The following UBE3D variants were observed in gnomAD, a reference collection of about 807,000 sequenced individuals.
UBE3D encodes E3 ubiquitin-protein ligase E3D.
A neutral mutation model predicts 49.6 loss-of-function variants in UBE3D; 48 were observed. The observed-to-expected ratio is 0.97, with a 90% confidence interval of 0.77 to 1.23. UBE3D has a LOEUF of 1.23. Ranked by LOEUF, UBE3D falls within the 50% of genes most tolerant of loss-of-function variation. UBE3D has a pLI of 0.00. For missense variants in UBE3D, 452 were observed against 468.4 expected (o/e 0.96, Z 0.32); for synonymous variants, 189 against 174.2 (o/e 1.08, Z -0.67).
At chr6:83,039,388 A>G (rs1426321661) in intron 4 of UBE3D, among the ~76,000 whole-genome samples, 1 of 152,252 alleles carries the variant, frequency 6.6e-6, no homozygotes, top group Non-Finnish European at 1.5e-5. Context: ...TAACTGATTA[A>G]TATACATTTA....
rs576855248 is a variant in UBE3D, at chr6:82,915,983, C to T, written c.1150-22941G>A. On this transcript the variant is annotated intron_variant, in intron 9 of 9. Transcript: ENST00000369747. ...GGGCTGGGAGATAAGAGCCTGGTCTCTAATAGTCATTGAAGTAGATGTTTA... is the reference window on the plus strand; with the variant it reads ...GGGCTGGGAGATAAGAGCCTGGTCTTTAATAGTCATTGAAGTAGATGTTTA... Among the ~76,000 whole-genome samples, 4 of 152,050 alleles carry T rather than the reference C, an allele frequency of 2.6e-5. No individual in the cohort carries two copies. The South Asian group carries it at 8.3e-4, about 32-fold the overall frequency.
intron 8 of UBE3D, among the ~76,000 whole-genome samples, chr6:82,990,094 A>G (rs900465624): frequency 6.6e-6 from 1 of 152,180 alleles, no homozygotes; most frequent in African/African-American, 2.4e-5. Context: ...ATTAGTTACT[A>G]ACAAACATCT....
At chr6:82,997,842 T>A (rs1779351497) in intron 8 of UBE3D, among the ~76,000 whole-genome samples, 1 of 152,172 alleles carries the variant, frequency 6.6e-6, no homozygotes, top group Admixed American at 6.6e-5. Flanking sequence ...CTGGTTACAG[T>A]GGTTATACAG....
intron 2 of UBE3D, among the ~76,000 whole-genome samples, chr6:83,054,770 C>A (rs1783705838): frequency 6.6e-6 from 1 of 152,150 alleles, no homozygotes; most frequent in South Asian, 2.1e-4. Flanking sequence ...TCTGCCTCAG[C>A]CTCCCGCGTA....
intron 3 of UBE3D, among the ~76,000 whole-genome samples, chr6:83,050,395 C>T (rs2127834110): frequency 6.6e-6 from 1 of 152,262 alleles, no homozygotes; most frequent in South Asian, 2.1e-4. Flanking sequence ...ATCCAACGTC[C>T]TCATTTTGCA....
At chr6:82,989,197 G>T (rs1778718098) in intron 8 of UBE3D, among the ~76,000 whole-genome samples, 1 of 151,992 alleles carries the variant, frequency 6.6e-6, no homozygotes, top group Admixed American at 6.6e-5. Context: ...GCAGTACAAG[G>T]CCCCTGGGTG....
At chr6:83,059,873 C>G (rs2127854377) in intron 1 of UBE3D, among the ~76,000 whole-genome samples, 1 of 152,256 alleles carries the variant, frequency 6.6e-6, no homozygotes, top group Non-Finnish European at 1.5e-5. Context: ...GCAGGGGTGT[C>G]AAATCCCAAG....
the UBE3D span, among the ~76,000 whole-genome samples, chr6:82,883,087 C>T: frequency 1.3e-5 from 2 of 152,156 alleles, no homozygotes; most frequent in African/African-American, 4.8e-5. Flanking sequence ...ACCATATAAT[C>T]TAACAAGAAG....
chr6:83,026,547 AT>A (rs1043468872), intron 5 of UBE3D, among the ~76,000 whole-genome samples: 7 of 152,186 alleles, frequency 4.6e-5, no homozygotes, highest in African/African-American at 1.2e-4. Context: ...GGTAAAAAAA[AT>A]AAATGGTTTC....
chr6:83,042,569 AC>A (rs1187188999), intron 4 of UBE3D, among the ~76,000 whole-genome samples: 1 of 152,228 alleles, frequency 6.6e-6, no homozygotes, highest in Non-Finnish European at 1.5e-5. Flanking sequence ...TGGGAACTCT[AC>A]AGAGCAAACC....
At chr6:82,923,092 T>C (rs293501) in intron 9 of UBE3D, among the ~76,000 whole-genome samples, 102,280 of 152,080 alleles carry the variant, frequency 0.67, 34,901 homozygotes, top group East Asian at 0.8. Context: ...GAAATAGGAA[T>C]GCTTTTACAC....
At chr6:82,967,625 T>G (rs1367549281) in intron 8 of UBE3D, among the ~76,000 whole-genome samples, 24 of 152,102 alleles carry the variant, frequency 1.6e-4, no homozygotes. Flanking sequence ...CAAGTAATTG[T>G]ATCAACAGTT....
intron 2 of UBE3D, among the ~76,000 whole-genome samples, chr6:83,054,510 C>G (rs1386711928): frequency 6.6e-6 from 1 of 152,138 alleles, no homozygotes; most frequent in Non-Finnish European, 1.5e-5. Flanking sequence ...TCTAAAAATA[C>G]CAACATTAAG....
intron 9 of UBE3D, among the ~76,000 whole-genome samples, chr6:82,931,394 A>T (rs1278854506): frequency 6.6e-6 from 1 of 152,156 alleles, no homozygotes; most frequent in Non-Finnish European, 1.5e-5. Context: ...TGTCAACCAG[A>T]CCCAGAATGG....
intron 7 of UBE3D, among the ~76,000 whole-genome samples, chr6:83,021,286 T>C (rs200903073): frequency 6.6e-6 from 1 of 152,106 alleles, no homozygotes; most frequent in East Asian, 2.0e-4. Flanking sequence ...ACAAAAAATT[T>C]AAAAATTGTC....
At chr6:82,934,356 GC>G (rs1774396517) in intron 9 of UBE3D, among the ~76,000 whole-genome samples, 1 of 152,208 alleles carries the variant, frequency 6.6e-6, no homozygotes, top group African/African-American at 2.4e-5. Flanking sequence ...ATTAAACACA[GC>G]TTGTAAATCT....
intron 5 of UBE3D, chr6:83,037,886 T>A (rs1782376559): frequency 6.6e-6 from 1 of 152,098 alleles, no homozygotes; most frequent in Non-Finnish European, 1.5e-5. Context: ...GAATTTTTTT[T>A]CTTCCATTTC....
chr6:83,042,065 A>G (rs2127814784), intron 4 of UBE3D, among the ~76,000 whole-genome samples: 1 of 152,134 alleles, frequency 6.6e-6, no homozygotes, highest in South Asian at 2.1e-4. Flanking sequence ...CCCCGCCACC[A>G]CACCCGGCTA....
At chr6:83,049,400 G>C (rs1220263141) in intron 3 of UBE3D, among the ~76,000 whole-genome samples, 1 of 152,120 alleles carries the variant, frequency 6.6e-6, no homozygotes, top group Non-Finnish European at 1.5e-5. Flanking sequence ...ACTAGCTTTA[G>C]CACTTTAATA....
Sources: allele counts gnomAD v4.1 joint callset (sites outside exome capture counted in the v4.1 genomes callset), GRCh38; gene constraint gnomAD v4.1.1; transcripts MANE v1.5; gene names NCBI Gene and HGNC (gene_info 2026-07-23, HGNC 2026-07-21).